The following SLC24A3 variants were observed in gnomAD, a reference collection of about 807,000 sequenced individuals.
SLC24A3 encodes sodium/potassium/calcium exchanger 3.
SLC24A3 carries 28 observed loss-of-function variants against 75.8 expected under a neutral mutation model. The ratio of observed to expected loss-of-function variants is 0.37; its 90% CI spans 0.27 to 0.51. The LOEUF is 0.51. Ranked by LOEUF, SLC24A3 falls within the 20% of genes least tolerant of loss-of-function variation. The pLI, the probability that SLC24A3 is intolerant of heterozygous loss-of-function variation, is 0.94. For synonymous variants in SLC24A3, 372 were observed against 334.1 expected (o/e 1.11, Z -1.24); for missense variants, 663 against 847.8 (o/e 0.78, Z 2.71).
At chr20:19,537,649 TG>T (rs1475002957) in intron 3 of SLC24A3, among the ~76,000 whole-genome samples, 1 of 152,124 alleles carries the variant, frequency 6.6e-6, no homozygotes, top group Non-Finnish European at 1.5e-5. Context: ...AATGATTGAC[TG>T]GATTAAGAAA....
chr20:19,299,244 G>A (rs1984140850), intron 2 of SLC24A3, among the ~76,000 whole-genome samples: 1 of 147,128 alleles, frequency 6.8e-6, no homozygotes, highest in South Asian at 2.2e-4. Context: ...CTAAGTCCCG[G>A]CACTCAACCT....
At chr20:19,230,731 C>T (rs1441026584) in intron 1 of SLC24A3, among the ~76,000 whole-genome samples, 3 of 152,066 alleles carry the variant, frequency 2.0e-5, no homozygotes, top group Non-Finnish European at 4.4e-5. Flanking sequence ...GGGATTCACA[C>T]CTGGGGACCC....
At chr20:19,407,133 T>A (rs1343593767) in intron 2 of SLC24A3, among the ~76,000 whole-genome samples, 1 of 152,204 alleles carries the variant, frequency 6.6e-6, no homozygotes, top group Non-Finnish European at 1.5e-5. Context: ...AGTAAGAAGA[T>A]GGGATCTTGT....
At chr20:19,390,978 G>A (rs1464797916) in intron 2 of SLC24A3, among the ~76,000 whole-genome samples, 4 of 152,118 alleles carry the variant, frequency 2.6e-5, no homozygotes, top group African/African-American at 9.7e-5. Context: ...CTATAGCCTT[G>A]GGCTCTGGAG....
At chr20:19,309,842 C>A (rs892143889) in intron 2 of SLC24A3, among the ~76,000 whole-genome samples, 2 of 152,148 alleles carry the variant, frequency 1.3e-5, no homozygotes, top group South Asian at 4.1e-4. Context: ...AGACAAGGGA[C>A]TCCTCCTTGC....
chr20:19,622,649 C>T (rs947052761), intron 6 of SLC24A3, among the ~76,000 whole-genome samples: 3 of 152,118 alleles, frequency 2.0e-5, no homozygotes, highest in African/African-American at 7.2e-5. Flanking sequence ...TCCAACCATG[C>T]TAAATTATTT....
intron 15 of SLC24A3, among the ~76,000 whole-genome samples, chr20:19,710,527 C>T (rs1025176487): frequency 4.6e-5 from 7 of 152,212 alleles, no homozygotes; most frequent in African/African-American, 1.7e-4. Flanking sequence ...CATTAAATGT[C>T]AGGACTGAAC....
chr20:19,439,895 A>G (rs1485226198), intron 2 of SLC24A3, among the ~76,000 whole-genome samples: 2 of 152,156 alleles, frequency 1.3e-5, no homozygotes, highest in African/African-American at 4.8e-5. Flanking sequence ...AAACTGAGGA[A>G]GCTGTTGGCT....
chr20:19,523,964 T>A (rs2030150119), intron 3 of SLC24A3, among the ~76,000 whole-genome samples: 1 of 152,176 alleles, frequency 6.6e-6, no homozygotes, highest in Non-Finnish European at 1.5e-5. Context: ...AGGCAAGAAG[T>A]GCCAGGAAAT....
At chr20:19,688,110 GTTC>G (rs1279125041) in intron 12 of SLC24A3, among the ~76,000 whole-genome samples, 1 of 152,148 alleles carries the variant, frequency 6.6e-6, no homozygotes, top group Non-Finnish European at 1.5e-5. Flanking sequence ...AGAATTCCAA[GTTC>G]TTCTCTAGCA....
chr20:19,408,942 C>T (rs1986698473), intron 2 of SLC24A3, among the ~76,000 whole-genome samples: 1 of 152,188 alleles, frequency 6.6e-6, no homozygotes, highest in African/African-American at 2.4e-5. Flanking sequence ...TGAGCTCCTG[C>T]TGTATGCTTT....
intron 2 of SLC24A3, among the ~76,000 whole-genome samples, chr20:19,436,194 C>G (rs754054525): frequency 6.6e-6 from 1 of 152,144 alleles, no homozygotes; most frequent in Non-Finnish European, 1.5e-5. Context: ...TATAATAGTA[C>G]TTATGTTTTC....
chr20:19,390,862 C>T (rs891873851), intron 2 of SLC24A3, among the ~76,000 whole-genome samples: 6 of 152,272 alleles, frequency 3.9e-5, no homozygotes, highest in African/African-American at 7.2e-5. Context: ...ATTTGTAGCT[C>T]GGGGCTGCAG....
chr20:19,648,254 T>G (rs935952700), intron 6 of SLC24A3, among the ~76,000 whole-genome samples: 1 of 152,178 alleles, frequency 6.6e-6, no homozygotes, highest in Non-Finnish European at 1.5e-5. Context: ...CCATCCTCAC[T>G]GCAGATCAGG....
intron 2 of SLC24A3, among the ~76,000 whole-genome samples, chr20:19,364,205 C>T (rs1300718732): frequency 6.6e-6 from 1 of 152,022 alleles, no homozygotes; most frequent in Non-Finnish European, 1.5e-5. Flanking sequence ...GTGTGGGTCT[C>T]CCAAAGTAGA....
chr20:19,565,663 T>C (rs2122615759), intron 3 of SLC24A3, among the ~76,000 whole-genome samples: 1 of 152,206 alleles, frequency 6.6e-6, no homozygotes, highest in Admixed American at 6.5e-5. Flanking sequence ...CTCGGAGCCT[T>C]TTTCCTTGTA....
chr20:19,489,241 C>T (rs1380549731), intron 2 of SLC24A3, among the ~76,000 whole-genome samples: 1 of 152,060 alleles, frequency 6.6e-6, no homozygotes, highest in Non-Finnish European at 1.5e-5. Context: ...TATCTCAATC[C>T]CCTTGTAGGT....
Position 19,524,609 on chromosome 20 carries a change from A to T in SLC24A3, c.348+9045A>T, listed in dbSNP as rs76513590. ...AGATTAGATACATGCAGCCTGCTGT[A>T]TGCTCCTCTTCATCTTACTTGTTTA... On this transcript the variant is annotated intron_variant, in intron 3 of 16. Coordinates refer to ENST00000328041, the MANE Select transcript of SLC24A3 (RefSeq NM_020689.4). Among the ~76,000 whole-genome samples the T allele has an allele frequency of 8.9e-3, 1,360 of 152,236 alleles. 21 individuals are homozygous for T. The highest frequency in any genetic ancestry group is 0.042 in the South Asian group (200 of 4,806).
chr20:19,282,403 AT>A (rs1449285857), intron 2 of SLC24A3, among the ~76,000 whole-genome samples: 1 of 152,226 alleles, frequency 6.6e-6, no homozygotes. Flanking sequence ...CACAAGGAGC[AT>A]TTTTCACTTG....
Sources: allele counts gnomAD v4.1 joint callset (sites outside exome capture counted in the v4.1 genomes callset), GRCh38; gene constraint gnomAD v4.1.1; transcripts MANE v1.5; gene names NCBI Gene and HGNC (gene_info 2026-07-23, HGNC 2026-07-21).